The following VAPA variants were observed in gnomAD, a reference collection of about 807,000 sequenced individuals.
The protein encoded by VAPA is vesicle-associated membrane protein-associated protein A.
Under a neutral mutation model 25.6 loss-of-function variants are expected in VAPA, and 6 were observed. The observed-to-expected ratio is 0.23, with a 90% CI of 0.13 to 0.46. The LOEUF is 0.46. VAPA is among the 20% of genes least tolerant of loss of function. VAPA has a pLI of 0.99. For missense variants in VAPA, 244 were observed against 302.1 expected (o/e 0.81, Z 1.43); for synonymous variants, 112 against 106.2 (o/e 1.05, Z -0.34).
chr18:9,917,792 A>C (rs1349955447), intron 1 of VAPA, among the ~76,000 whole-genome samples: 2 of 151,518 alleles, frequency 1.3e-5, no homozygotes, highest in African/African-American at 4.9e-5. Context: ...GCATCTGCAT[A>C]GAAGCAGCAC....
At chr18:9,931,681 T>G in intron 1 of VAPA, 129 bp from the exon 2 acceptor site, 2 of 685,942 alleles carry the variant, frequency 2.9e-6, no homozygotes, top group Non-Finnish European at 4.5e-6. Context: ...TTAGTAGCCA[T>G]TTGGGATATT....
At chr18:9,918,873 C>T (rs767547664) in intron 1 of VAPA, among the ~76,000 whole-genome samples, 11 of 152,150 alleles carry the variant, frequency 7.2e-5, no homozygotes, top group Admixed American at 6.5e-4. Flanking sequence ...ATTTTTACTA[C>T]CCATGCCTAC....
chr18:9,945,185 A>G, intron 4 of VAPA: 1 of 1,117,232 alleles, frequency 9.0e-7, no homozygotes, highest in Non-Finnish European at 1.3e-6. Flanking sequence ...AACTATGCCT[A>G]AAATTACAAT....
At chr18:9,918,049 T>C (rs2069126823) in intron 1 of VAPA, among the ~76,000 whole-genome samples, 1 of 152,152 alleles carries the variant, frequency 6.6e-6, no homozygotes, top group Admixed American at 6.5e-5. Context: ...TGATGTGCCT[T>C]CCTCTTGTAA....
intron 1 of VAPA, among the ~76,000 whole-genome samples, chr18:9,920,378 C>T (rs376227614): frequency 2.0e-5 from 3 of 152,316 alleles, no homozygotes; most frequent in East Asian, 1.9e-4. Context: ...TCTCGGCTCA[C>T]TGCAACCTCT....
intron 1 of VAPA, among the ~76,000 whole-genome samples, chr18:9,916,138 C>T (rs1311182028): frequency 1.3e-5 from 2 of 152,132 alleles, no homozygotes; most frequent in Non-Finnish European, 2.9e-5. Flanking sequence ...TTGAAGTTTT[C>T]TCCTTAGGGA....
intron 1 of VAPA, among the ~76,000 whole-genome samples, chr18:9,931,099 ATTG>A (rs2069250305): frequency 6.6e-6 from 1 of 152,148 alleles, no homozygotes; most frequent in African/African-American, 2.4e-5. Context: ...AACTGTGGTT[ATTG>A]TTCCCAACTG....
intron 4 of VAPA, chr18:9,950,177 A>T (rs1193157872): frequency 2.1e-6 from 1 of 473,990 alleles, no homozygotes; most frequent in African/African-American, 2.0e-5. Flanking sequence ...AATTATTAAG[A>T]TACATAATAA....
In VAPA at chr18:9,914,077, G is replaced by A. The variant is rs2069087273; in HGVS notation, c.-180G>A. 5.6e-6 allele frequency: 3 copies of A among 532,112 alleles called. No homozygotes were observed. The African/African-American group carries it at 6.1e-5, about 11-fold the overall frequency. 33.0% of individuals were successfully genotyped at this position (532,112 alleles called of 1,614,324 possible). A position where few individuals can be genotyped will look rare whatever the true frequency, so the allele number is the denominator to read the frequency against. On this transcript the variant is annotated 5_prime_UTR_variant, in exon 1 of 6. Coordinates refer to ENST00000400000, the MANE Select transcript of VAPA (RefSeq NM_194434.3). ...TGGGGTTGAGTCAGTTGTGGGACCC[G>A]GAGCTGCTGACCCAGCGGGTGGCCC...
chr18:9,950,755 A>G lies in VAPA; in HGVS notation c.591+187A>G, dbSNP rs1455667573. On this transcript the variant is annotated intron_variant, in intron 5 of 5. Transcript: ENST00000400000. ...CTTCCCGTGGTTTCTCATTGCTGCA[A>G]GTTCCTTACTTTAGCACACATTCTA... 29 of 575,948 alleles carry G rather than the reference A, an allele frequency of 5.0e-5. No individual in the cohort carries two copies. The East Asian group carries it at 8.7e-4, about 17-fold the overall frequency. The allele number at this position is 575,948 out of a possible 1,614,324, so 35.7% of individuals were successfully genotyped here. A position where few individuals can be genotyped will look rare whatever the true frequency, so the allele number is the denominator to read the frequency against.
intron 1 of VAPA, among the ~76,000 whole-genome samples, chr18:9,920,731 A>G (rs766323332): frequency 6.6e-6 from 1 of 152,226 alleles, no homozygotes; most frequent in Non-Finnish European, 1.5e-5. Context: ...TGAAAAATCC[A>G]AAATCCACTG....
chr18:9,936,720 G>GAAAAAAAT, intron 3 of VAPA: 1 of 234,850 alleles, frequency 4.3e-6, no homozygotes, highest in East Asian at 5.8e-5. Context: ...AGACCAACTG[G>GAAAAAAAT]AAAAAAAGAA....
Position 9,958,682 on chromosome 18 carries a change from AGACTT to A in VAPA, c.*4477_*4481del, listed in dbSNP as rs765671650. On this transcript the variant is annotated 3_prime_UTR_variant, in exon 6 of 6. Coordinates refer to ENST00000400000, the MANE Select transcript of VAPA (RefSeq NM_194434.3). The stretch of plus-strand genomic sequence containing the variant: ...GGCAGATATGAAGTAGATTTAATTA[AGACTT>A]GACTTCAGCAATACAGGGGAACTTA... The A allele has an allele frequency of 3.9e-5, 6 of 152,196 alleles. No individual in the cohort carries two copies. The highest frequency in any genetic ancestry group is 2.1e-4 in the South Asian group (1 of 4,830). The allele number at this position is 152,196 out of a possible 1,614,324, so 9.4% of individuals were successfully genotyped here. A position where few individuals can be genotyped will look rare whatever the true frequency, so the allele number is the denominator to read the frequency against.
intron 5 of VAPA, chr18:9,951,465 G>A (rs757863854): frequency 6.6e-6 from 1 of 152,260 alleles, no homozygotes; most frequent in Non-Finnish European, 1.5e-5. Context: ...GGCAGTAATT[G>A]CCTTGGTGGC....
At chr18:9,941,987 CTTTAT>C (rs962996661) in intron 4 of VAPA, among the ~76,000 whole-genome samples, 12 of 152,052 alleles carry the variant, frequency 7.9e-5, no homozygotes, top group Admixed American at 2.0e-4. Context: ...TCTTTTGACC[CTTTAT>C]TTTAGTTTAT....
chr18:9,921,817 G>A (rs1481752125), intron 1 of VAPA, among the ~76,000 whole-genome samples: 1 of 152,112 alleles, frequency 6.6e-6, no homozygotes, highest in Non-Finnish European at 1.5e-5. Flanking sequence ...ACTCAAATTA[G>A]TTTTAAATTA....
chr18:9,939,345 G>A (rs994353147), intron 4 of VAPA, among the ~76,000 whole-genome samples: 3 of 151,728 alleles, frequency 2.0e-5, no homozygotes, highest in Non-Finnish European at 4.4e-5. Flanking sequence ...TGTATTTTTT[G>A]TAGAGACGGG....
chr18:9,936,499 A>G (rs768915273), intron 3 of VAPA: 1 of 231,738 alleles, frequency 4.3e-6, no homozygotes, highest in East Asian at 9.0e-5. Context: ...TCTCAAGCCC[A>G]GGAGTTCGAG....
chr18:9,931,092 T>C (rs2069250104), intron 1 of VAPA, among the ~76,000 whole-genome samples: 1 of 152,200 alleles, frequency 6.6e-6, no homozygotes, highest in South Asian at 2.1e-4. Flanking sequence ...TACTTAGAAC[T>C]GTGGTTATTG....
Sources: allele counts gnomAD v4.1 joint callset (sites outside exome capture counted in the v4.1 genomes callset), GRCh38; gene constraint gnomAD v4.1.1; transcripts MANE v1.5; gene names NCBI Gene and HGNC (gene_info 2026-07-23, HGNC 2026-07-21).